Variants in WDR72 observed in about 807,000 individuals in gnomAD.
WDR72 encodes WD repeat-containing protein 72.
WDR72 carries 120 observed loss-of-function variants against 124.2 expected under a neutral mutation model. The ratio of observed to expected loss-of-function variants is 0.97; its 90% confidence interval spans 0.83 to 1.12. The LOEUF is 1.12. Ranked by LOEUF, WDR72 falls within the 50% of genes most tolerant of loss-of-function variation. The pLI is 0.00. For synonymous variants in WDR72, 452 were observed against 441.7 expected (o/e 1.02, Z -0.29); for missense variants, 1,387 against 1,278.8 (o/e 1.08, Z -1.29).
intron 9 of WDR72, among the ~76,000 whole-genome samples, chr15:53,706,330 GC>G (rs1407851475): frequency 9.8e-5 from 4 of 40,668 alleles, no homozygotes; most frequent in African/African-American, 4.6e-4. Flanking sequence ...TGTTATATGT[GC>G]GTGTGTGTGT....
chr15:53,729,646 G>A (rs993809559), intron 2 of WDR72, among the ~76,000 whole-genome samples: 6 of 152,128 alleles, frequency 3.9e-5, no homozygotes. Context: ...AAATGCTCAT[G>A]TCTTTCACAC....
intron 14 of WDR72, among the ~76,000 whole-genome samples, chr15:53,655,415 T>C (rs771612028): frequency 2.9e-4 from 44 of 152,030 alleles, no homozygotes; most frequent in Non-Finnish European, 4.6e-4. Flanking sequence ...CCTCTTAGAT[T>C]TGGGGAGATG....
chr15:53,688,072 A>G (rs916441267), intron 13 of WDR72, among the ~76,000 whole-genome samples: 1 of 147,218 alleles, frequency 6.8e-6, no homozygotes, highest in African/African-American at 2.6e-5. Flanking sequence ...TCAAAATAAT[A>G]AGAGCTATCT....
At chr15:53,596,340 A>T (rs1271285016) in intron 18 of WDR72, among the ~76,000 whole-genome samples, 2 of 152,146 alleles carry the variant, frequency 1.3e-5, no homozygotes, top group Non-Finnish European at 2.9e-5. Flanking sequence ...AACAGCTAAC[A>T]TTACGATAAA....
intron 6 of WDR72, among the ~76,000 whole-genome samples, chr15:53,713,890 C>T (rs1462600573): frequency 2.6e-5 from 4 of 152,156 alleles, no homozygotes; most frequent in African/African-American, 4.8e-5. Flanking sequence ...CATCACAATT[C>T]CTAGGCTTCC....
chr15:53,695,522 T>A (rs773420290), intron 13 of WDR72, among the ~76,000 whole-genome samples: 10 of 152,218 alleles, frequency 6.6e-5, no homozygotes, highest in Non-Finnish European at 1.2e-4. Context: ...TGCAATATTT[T>A]CCTTTCCTAA....
chr15:53,559,927 A>G (rs1894069360), intron 18 of WDR72, among the ~76,000 whole-genome samples: 1 of 152,006 alleles, frequency 6.6e-6, no homozygotes, highest in South Asian at 2.1e-4. Context: ...TGATAAGCCT[A>G]TTGGATAATC....
chr15:53,651,318 G>A (rs985266850), intron 14 of WDR72, among the ~76,000 whole-genome samples: 1 of 152,158 alleles, frequency 6.6e-6, no homozygotes, highest in African/African-American at 2.4e-5. Context: ...CCCTAAGACT[G>A]TCTATCAAAC....
intron 18 of WDR72, among the ~76,000 whole-genome samples, chr15:53,585,956 C>T (rs1023433471): frequency 1.3e-5 from 2 of 152,044 alleles, no homozygotes; most frequent in Admixed American, 1.3e-4. Flanking sequence ...AATGTCTATT[C>T]CTATGTGAAG....
At chr15:53,670,226 T>G (rs932117666) in intron 13 of WDR72, among the ~76,000 whole-genome samples, 1 of 152,198 alleles carries the variant, frequency 6.6e-6, no homozygotes, top group African/African-American at 2.4e-5. Context: ...AATAGTGCAT[T>G]AGAGACCAGA....
intron 18 of WDR72, among the ~76,000 whole-genome samples, chr15:53,588,634 G>A (rs928933045): frequency 2.0e-5 from 3 of 151,990 alleles, no homozygotes; most frequent in African/African-American, 7.2e-5. Flanking sequence ...TTTTCCTTCA[G>A]CCACCATTTC....
At chr15:53,574,033 C>T (rs78786564) in intron 18 of WDR72, among the ~76,000 whole-genome samples, 1,622 of 152,238 alleles carry the variant, frequency 0.011, 33 homozygotes, top group African/African-American at 0.037. Flanking sequence ...GAAAATGTGA[C>T]GATCTCTTAT....
intron 18 of WDR72, among the ~76,000 whole-genome samples, chr15:53,568,074 T>G (rs994466886): frequency 5.4e-3 from 4 of 736 alleles, no homozygotes; most frequent in African/African-American, 0.011. Context: ...TTTGTCTTGT[T>G]TTTTTTTTTT....
intron 14 of WDR72, among the ~76,000 whole-genome samples, chr15:53,643,826 C>T (rs1273222181): frequency 3.3e-5 from 5 of 151,132 alleles, no homozygotes; most frequent in Non-Finnish European, 7.4e-5. Context: ...AGTACCCTGT[C>T]ACAAAAAAAA....
intron 18 of WDR72, among the ~76,000 whole-genome samples, chr15:53,549,296 CT>C (rs1893626287): frequency 6.6e-6 from 1 of 152,126 alleles, no homozygotes; most frequent in Non-Finnish European, 1.5e-5. Flanking sequence ...ATACACAGTT[CT>C]TTTGGAACAA....
chr15:53,572,416 T>TA (rs1241654825), intron 18 of WDR72, among the ~76,000 whole-genome samples: 3 of 72,098 alleles, frequency 4.2e-5, no homozygotes, highest in African/African-American at 1.2e-4. Flanking sequence ...GAGATATATA[T>TA]TTTTTTGCCC....
chr15:53,567,247 G>A (rs2140300615), intron 18 of WDR72, among the ~76,000 whole-genome samples: 1 of 152,096 alleles, frequency 6.6e-6, no homozygotes, highest in South Asian at 2.1e-4. Context: ...GGTTTAAGGA[G>A]GACCTTCACA....
At chr15:53,703,161 G>C (rs532537618) in intron 11 of WDR72, among the ~76,000 whole-genome samples, 1 of 152,008 alleles carries the variant, frequency 6.6e-6, no homozygotes, top group African/African-American at 2.4e-5. Flanking sequence ...GGATCCACTT[G>C]CCTCAGCCTT....
chr15:53,687,649 ACCATT>A (rs1191051130), intron 13 of WDR72, among the ~76,000 whole-genome samples: 1 of 146,054 alleles, frequency 6.8e-6, no homozygotes, highest in Non-Finnish European at 1.5e-5. Flanking sequence ...AGGAACTGGT[ACCATT>A]CCTTCTGAAA....
Sources: allele counts gnomAD v4.1 joint callset (sites outside exome capture counted in the v4.1 genomes callset), GRCh38; gene constraint gnomAD v4.1.1; transcripts MANE v1.5; gene names NCBI Gene and HGNC (gene_info 2026-07-23, HGNC 2026-07-21).